Variants in HLCS observed in about 807,000 individuals in gnomAD.
HLCS encodes the protein biotin--protein ligase.
In HLCS, 53 loss-of-function variants were observed where a neutral mutation model predicts 75.0. That is an observed-to-expected ratio of 0.71 (90% CI 0.57 to 0.89). The LOEUF (loss-of-function observed/expected upper bound fraction) is 0.89, where lower values mean the gene tolerates loss of function less well. HLCS is among the 40% of genes least tolerant of loss of function. The pLI is 0.00. For synonymous variants in HLCS, 431 were observed against 428.6 expected (o/e 1.01, Z -0.07); for missense variants, 966 against 1,074.0 (o/e 0.90, Z 1.41).
chr21:36,780,879 A>C (rs1013062193), intron 6 of HLCS, among the ~76,000 whole-genome samples: 1 of 152,076 alleles, frequency 6.6e-6, no homozygotes, highest in African/African-American at 2.4e-5. Flanking sequence ...TTTTGAGTTA[A>C]CTCAAAAGTT....
At chr21:36,879,782 C>T (rs558269331) in intron 6 of HLCS, among the ~76,000 whole-genome samples, 7 of 152,110 alleles carry the variant, frequency 4.6e-5, no homozygotes, top group South Asian at 2.1e-4. Context: ...TGGTGGCACG[C>T]GCCTGTAGTC....
intron 6 of HLCS, among the ~76,000 whole-genome samples, chr21:36,883,365 C>T (rs1455370488): frequency 1.3e-5 from 2 of 152,164 alleles, no homozygotes; most frequent in Non-Finnish European, 2.9e-5. Flanking sequence ...GGAAAAATAC[C>T]TGCTGGGATA....
chr21:36,953,859 T>C (rs770422077), intron 2 of HLCS, among the ~76,000 whole-genome samples: 22 of 152,178 alleles, frequency 1.4e-4, no homozygotes, highest in Non-Finnish European at 2.9e-4. Flanking sequence ...CGCCCAACGA[T>C]GGACCATATA....
chr21:36,913,265 CAA>C (rs1394188327), intron 5 of HLCS, among the ~76,000 whole-genome samples: 1 of 152,184 alleles, frequency 6.6e-6, no homozygotes, highest in African/African-American at 2.4e-5. Context: ...ACGGTCCTCA[CAA>C]AGAGACCTAC....
At chr21:36,807,248 G>A (rs1054838051) in intron 6 of HLCS, among the ~76,000 whole-genome samples, 1 of 152,046 alleles carries the variant, frequency 6.6e-6, no homozygotes, top group Non-Finnish European at 1.5e-5. Context: ...AAAGGCTGTG[G>A]ACCACAGAGA....
At chr21:36,987,839 T>C (rs890518005) in intron 1 of HLCS, among the ~76,000 whole-genome samples, 3 of 152,278 alleles carry the variant, frequency 2.0e-5, no homozygotes, top group African/African-American at 7.2e-5. Flanking sequence ...AATCCTACAA[T>C]ACACAGAAAA....
intron 6 of HLCS, among the ~76,000 whole-genome samples, chr21:36,860,812 G>A (rs924141757): frequency 1.3e-5 from 2 of 152,164 alleles, no homozygotes; most frequent in Non-Finnish European, 2.9e-5. Context: ...TAAAATAAAC[G>A]CCTCAGCGGT....
At chr21:36,809,021 T>C (rs761357148) in intron 6 of HLCS, among the ~76,000 whole-genome samples, 8 of 152,026 alleles carry the variant, frequency 5.3e-5, no homozygotes, top group Non-Finnish European at 1.0e-4. Flanking sequence ...CAAGACTAGC[T>C]TGGACCACAT....
intron 6 of HLCS, among the ~76,000 whole-genome samples, chr21:36,853,308 T>C (rs2063076956): frequency 6.6e-6 from 1 of 152,090 alleles, no homozygotes; most frequent in South Asian, 2.1e-4. Context: ...ACTGCCTTTC[T>C]CCCATGTGAC....
chr21:36,825,478 T>C (rs1466516581), intron 6 of HLCS, among the ~76,000 whole-genome samples: 3 of 152,188 alleles, frequency 2.0e-5, no homozygotes, highest in Non-Finnish European at 1.5e-5. Flanking sequence ...TGTATGTGTG[T>C]GTGTGTACAC....
At chr21:36,843,876 C>T (rs2062704473) in intron 6 of HLCS, among the ~76,000 whole-genome samples, 1 of 152,050 alleles carries the variant, frequency 6.6e-6, no homozygotes, top group African/African-American at 2.4e-5. Flanking sequence ...GGTTTGGTGG[C>T]ATGCACTTGT....
At chr21:36,800,223 C>T (rs1388886466) in intron 6 of HLCS, among the ~76,000 whole-genome samples, 1 of 152,158 alleles carries the variant, frequency 6.6e-6, no homozygotes, top group Admixed American at 6.5e-5. Context: ...CTTGTTGATG[C>T]TGGCAGGGAT....
At chr21:36,809,069 C>T (rs963276051) in intron 6 of HLCS, among the ~76,000 whole-genome samples, 4 of 152,050 alleles carry the variant, frequency 2.6e-5, no homozygotes, top group African/African-American at 9.7e-5. Flanking sequence ...CAAAAAATAG[C>T]TGGGTGTGGT....
At chr21:36,971,148 A>T (rs898621961), upstream of HLCS, among the ~76,000 whole-genome samples, 1 of 152,238 alleles carries the variant, frequency 6.6e-6, no homozygotes, top group African/African-American at 2.4e-5. Flanking sequence ...GACAATATTT[A>T]GAGCATCAAA....
At chr21:36,879,551 C>G (rs1198908294) in intron 6 of HLCS, among the ~76,000 whole-genome samples, 1 of 152,018 alleles carries the variant, frequency 6.6e-6, no homozygotes, top group Non-Finnish European at 1.5e-5. Context: ...TTCAGATTTC[C>G]ATTTTGGAAT....
rs111524032 is a variant in HLCS at position 36,929,043 on chromosome 21, G to A, written c.1620+1208C>T. Among the ~76,000 whole-genome samples, 376 of 152,314 alleles carry A rather than the reference G, an allele frequency of 2.5e-3. 1 individual carries two copies. The highest frequency in any genetic ancestry group is 7.3e-3 in the African/African-American group (303 of 41,560). ...GACACATGATACAAAGCCCTGACATGGGTATTTCAGGTTATACTCATCCTA... is the reference window on the plus strand; with the variant it reads ...GACACATGATACAAAGCCCTGACATAGGTATTTCAGGTTATACTCATCCTA... On this transcript the variant is annotated intron_variant, in intron 5 of 10. Transcript: ENST00000674895.
At chr21:36,787,829 C>A (rs1569009372) in intron 6 of HLCS, among the ~76,000 whole-genome samples, 1 of 152,142 alleles carries the variant, frequency 6.6e-6, no homozygotes, top group Admixed American at 6.5e-5. Context: ...GTCAGGGTTA[C>A]GTAGACACTG....
rs1383438154 is a variant in HLCS at position 36,842,217 on chromosome 21, T to A, written c.1892+54643A>T. ...CAAGAGGCCATGGTGTATGTTTCCATCGGTATAAAATATAAAACCAGGCAA... is the reference window on the plus strand; with the variant it reads ...CAAGAGGCCATGGTGTATGTTTCCAACGGTATAAAATATAAAACCAGGCAA... On this transcript the variant is annotated intron_variant, in intron 6 of 10. Coordinates refer to ENST00000674895, the MANE Select transcript of HLCS (RefSeq NM_001352514.2). The surrounding 1 kb of genome is among the most constrained non-coding windows in gnomAD (Gnocchi z 4.2). Among the ~76,000 whole-genome samples, 1 of 152,128 alleles carries A rather than the reference T, an allele frequency of 6.6e-6. No homozygotes were observed. Among genetic ancestry groups the A allele is most frequent in the Non-Finnish European group, 1.5e-5 (1 of 68,018 alleles).
chr21:36,820,899 A>T (rs943218314), intron 6 of HLCS, among the ~76,000 whole-genome samples: 1 of 152,080 alleles, frequency 6.6e-6, no homozygotes, highest in Admixed American at 6.5e-5. Flanking sequence ...GTGGGTGGTG[A>T]CCCCGTGGAG....
Sources: allele counts gnomAD v4.1 joint callset (sites outside exome capture counted in the v4.1 genomes callset), GRCh38; gene constraint gnomAD v4.1.1; non-coding constraint Gnocchi (gnomAD v3.1); transcripts MANE v1.5; gene names NCBI Gene and HGNC (gene_info 2026-07-23, HGNC 2026-07-21).